TRIQK: variants seen among roughly 807,000 people sequenced by gnomAD.
The protein encoded by TRIQK is triple QxxK/R motif containing, also known as triple QxxK/R motif-containing protein.
Under a neutral mutation model 10.8 loss-of-function variants are expected in TRIQK, and 10 were observed. The ratio of observed to expected loss-of-function variants is 0.92; its 90% CI spans 0.57 to 1.57. The LOEUF (loss-of-function observed/expected upper bound fraction) is 1.57, where lower values mean the gene tolerates loss of function less well. TRIQK is among the 40% of genes most tolerant of loss of function. The pLI, the probability that TRIQK is intolerant of heterozygous loss-of-function variation, is 0.00. For synonymous variants in TRIQK, 33 were observed against 33.7 expected (o/e 0.98, Z 0.07); for missense variants, 107 against 97.7 (o/e 1.09, Z -0.40).
At chr8:92,933,314 T>A (rs1288242456) in intron 2 of TRIQK, among the ~76,000 whole-genome samples, 2 of 152,154 alleles carry the variant, frequency 1.3e-5, no homozygotes, top group Non-Finnish European at 2.9e-5. Flanking sequence ...ATACCTAATA[T>A]TTCTAAAATT....
chr8:92,887,306 G>A (rs1307894280), intron 4 of TRIQK, among the ~76,000 whole-genome samples: 1 of 151,240 alleles, frequency 6.6e-6, no homozygotes, highest in Non-Finnish European at 1.5e-5. Flanking sequence ...AGTTTACACT[G>A]CAGAGGAACA....
At chr8:92,944,143 AAAC>A (rs903086712) in intron 2 of TRIQK, among the ~76,000 whole-genome samples, 17 of 152,126 alleles carry the variant, frequency 1.1e-4, no homozygotes, top group African/African-American at 3.6e-4. Flanking sequence ...ATGCAAATCA[AAAC>A]AACAAGACAG....
chr8:93,005,524 G>A (rs1416507224), intron 1 of TRIQK, among the ~76,000 whole-genome samples: 2 of 152,108 alleles, frequency 1.3e-5, no homozygotes, highest in Non-Finnish European at 2.9e-5. Flanking sequence ...ACAAATCGAC[G>A]TGTGATAGAT....
At chr8:92,989,723 G>A (rs1184374405) in intron 1 of TRIQK, among the ~76,000 whole-genome samples, 3 of 152,074 alleles carry the variant, frequency 2.0e-5, no homozygotes, top group South Asian at 2.1e-4. Flanking sequence ...AATGTAATGC[G>A]TTTGAATCAT....
chr8:92,933,621 T>C (rs1040505991), intron 2 of TRIQK, among the ~76,000 whole-genome samples: 1 of 152,128 alleles, frequency 6.6e-6, no homozygotes, highest in Admixed American at 6.6e-5. Flanking sequence ...ACCAGTGTTC[T>C]TTGAAGATAA....
Position 92,911,261 on chromosome 8 carries a change from A to C in TRIQK, c.61+5668T>G, listed in dbSNP as rs1457629442. ...CTAATAATAGATACAGAAAAGATAA[A>C]AAAAACTAATATTAGATTCAGAAGA... is the stretch of plus-strand genomic sequence containing the variant. On this transcript the variant is annotated intron_variant, in intron 3 of 4. Coordinates refer to ENST00000521988, the MANE Select transcript of TRIQK (RefSeq NM_001171797.2). Among the ~76,000 whole-genome samples, 3 of 151,566 alleles carry C rather than the reference A, an allele frequency of 2.0e-5. No homozygotes were observed. In the East Asian group the frequency reaches 5.8e-4, roughly 29 times the overall value.
chr8:92,935,590 G>A (rs1284665514), intron 2 of TRIQK, among the ~76,000 whole-genome samples: 2 of 151,362 alleles, frequency 1.3e-5, no homozygotes, highest in African/African-American at 4.8e-5. Flanking sequence ...ATTACAAAAA[G>A]TCATAAACTA....
At chr8:93,000,862 A>G (rs2130756480) in intron 1 of TRIQK, among the ~76,000 whole-genome samples, 1 of 149,870 alleles carries the variant, frequency 6.7e-6, no homozygotes, top group Middle Eastern at 3.4e-3. Context: ...ACTACAGAAA[A>G]CCACCAAACC....
intron 1 of TRIQK, among the ~76,000 whole-genome samples, chr8:93,000,137 G>T (rs1200771599): frequency 2.6e-5 from 4 of 152,120 alleles, no homozygotes; most frequent in Non-Finnish European, 5.9e-5. Flanking sequence ...GGTAGTTAAA[G>T]CATAAAATTA....
At chr8:92,988,900 T>C (rs1432668236) in intron 1 of TRIQK, among the ~76,000 whole-genome samples, 3 of 152,168 alleles carry the variant, frequency 2.0e-5, no homozygotes, top group African/African-American at 7.2e-5. Context: ...CTTTTTGTTG[T>C]TTTAGCTTCA....
chr8:92,956,365 T>C (rs921616565), intron 1 of TRIQK, among the ~76,000 whole-genome samples: 1 of 151,648 alleles, frequency 6.6e-6, no homozygotes, highest in Non-Finnish European at 1.5e-5. Context: ...GAAAATAGAT[T>C]AGTGGTTGCT....
intron 1 of TRIQK, among the ~76,000 whole-genome samples, chr8:92,984,738 A>G (rs1184339330): frequency 6.6e-6 from 1 of 152,132 alleles, no homozygotes; most frequent in African/African-American, 2.4e-5. Flanking sequence ...CAGTTTTATG[A>G]AAGTCCAGGT....
chr8:92,949,507 C>T (rs546398369), intron 2 of TRIQK, among the ~76,000 whole-genome samples: 2 of 141,956 alleles, frequency 1.4e-5, no homozygotes, highest in East Asian at 4.1e-4. Context: ...AGGCAGTATG[C>T]AGTCAAGGAA....
chr8:92,975,281 T>A (rs141942103), intron 1 of TRIQK, among the ~76,000 whole-genome samples: 1 of 152,238 alleles, frequency 6.6e-6, no homozygotes, highest in African/African-American at 2.4e-5. Flanking sequence ...AGTGTTACTT[T>A]CTTAATTTTT....
At chr8:92,923,954 G>C (rs945238878) in intron 2 of TRIQK, among the ~76,000 whole-genome samples, 16 of 151,802 alleles carry the variant, frequency 1.1e-4, no homozygotes, top group African/African-American at 3.9e-4. Context: ...TCTGCTTCCA[G>C]AAAAAGCACT....
intron 1 of TRIQK, among the ~76,000 whole-genome samples, chr8:92,955,485 G>T (rs186848445): frequency 1.3e-5 from 2 of 151,558 alleles, no homozygotes; most frequent in Non-Finnish European, 3.0e-5. Context: ...AAAGGAAATC[G>T]TAGGAATAAA....
At chr8:92,898,835 A>G (rs199823707) in intron 3 of TRIQK, among the ~76,000 whole-genome samples, 61 of 19,930 alleles carry the variant, frequency 3.1e-3, no homozygotes, top group Non-Finnish European at 4.1e-3. Context: ...GTGTGTGTGT[A>G]TATATATATA....
intron 2 of TRIQK, among the ~76,000 whole-genome samples, chr8:92,938,045 G>T (rs1164943605): frequency 2.0e-5 from 3 of 151,884 alleles, no homozygotes; most frequent in Admixed American, 6.6e-5. Flanking sequence ...AAGTCTTTGG[G>T]CAACAAATTC....
intron 2 of TRIQK, among the ~76,000 whole-genome samples, chr8:92,943,202 G>A (rs746042599): frequency 6.6e-6 from 1 of 152,090 alleles, no homozygotes; most frequent in Non-Finnish European, 1.5e-5. Flanking sequence ...AGCATTCCAT[G>A]TTTATGAATT....
Sources: gnomAD v4.1 joint callset for allele counts (sites outside exome capture counted in the v4.1 genomes callset) on GRCh38, gnomAD v4.1.1 for gene constraint, MANE v1.5 for transcripts, NCBI Gene and HGNC (gene_info 2026-07-23, HGNC 2026-07-21) for gene names.